FOXO1: variants seen among roughly 807,000 people sequenced by gnomAD.
The protein encoded by FOXO1 is forkhead box protein O1.
A neutral mutation model predicts 44.1 loss-of-function variants in FOXO1; 6 were observed. The ratio of observed to expected loss-of-function variants is 0.14; its 90% CI spans 0.07 to 0.27. The LOEUF is 0.27. Among genes scored for constraint, FOXO1 ranks in the 10% least tolerant of loss-of-function variants. The probability of loss-of-function intolerance (pLI) is 1.00; values close to 1 mark genes in which losing one functional copy is unlikely to be tolerated. For missense variants in FOXO1, 737 were observed against 888.8 expected (o/e 0.83, Z 2.17); for synonymous variants, 380 against 362.7 (o/e 1.05, Z -0.54).
intron 1 of FOXO1, among the ~76,000 whole-genome samples, chr13:40,623,530 T>C (rs1876686426): frequency 6.6e-6 from 1 of 152,172 alleles, no homozygotes; most frequent in Non-Finnish European, 1.5e-5. Flanking sequence ...TTTTTTCTTT[T>C]TAATGGGGAA....
intron 1 of FOXO1, among the ~76,000 whole-genome samples, chr13:40,656,417 T>A (rs1213898345): frequency 6.6e-6 from 1 of 152,238 alleles, no homozygotes; most frequent in Admixed American, 6.5e-5. Flanking sequence ...TTAATAGTAA[T>A]CTTTCTTTCT....
At chr13:40,607,487 A>G (rs1007156982) in intron 1 of FOXO1, among the ~76,000 whole-genome samples, 3 of 133,370 alleles carry the variant, frequency 2.2e-5, no homozygotes, top group South Asian at 2.7e-4. Flanking sequence ...ATTTGTTCCT[A>G]GAGTGCTTTA....
chr13:40,641,017 C>G (rs1356886907), intron 1 of FOXO1, among the ~76,000 whole-genome samples: 1 of 152,178 alleles, frequency 6.6e-6, no homozygotes, highest in Non-Finnish European at 1.5e-5. Flanking sequence ...CTCTTGACCT[C>G]AAGTGATCCA....
chr13:40,588,543 AT>A (rs1875256104), intron 1 of FOXO1, among the ~76,000 whole-genome samples: 1 of 152,190 alleles, frequency 6.6e-6, no homozygotes, highest in Admixed American at 6.5e-5. Flanking sequence ...TGAGTTTAAG[AT>A]TTTGGGGGGG....
Position 40,559,839 on chromosome 13 carries a change from C to T in FOXO1, c.1652G>A (p.Gly551Asp). ...HTVSTMPHTS[G>D]MNRLTQVKTP... ...CTTCACTTGGGTCAGGCGGTTCATA[C>T]CCGAGGTGTGGGGCATGGTGCTTAC... is the stretch of plus-strand genomic sequence containing the variant. Residue 551 changes from glycine (G) to aspartate (D), a missense_variant, in exon 2 of 3, where the codon GGT (glycine) becomes GAT (aspartate). Around this residue, in one of 7 missense-constraint regions of FOXO1, gnomAD observed 283 missense variants for 278.1 expected, o/e 1.02. Coordinates refer to ENST00000379561, the MANE Select transcript of FOXO1 (RefSeq NM_002015.4). The T allele has an allele frequency of 6.2e-7, 1 of 1,613,996 alleles. No homozygotes were observed. The highest frequency in any genetic ancestry group is 8.5e-7 in the Non-Finnish European group (1 of 1,179,954).
At chr13:40,615,763 G>A (rs890997026) in intron 1 of FOXO1, among the ~76,000 whole-genome samples, 3 of 152,056 alleles carry the variant, frequency 2.0e-5, no homozygotes, top group East Asian at 1.9e-4. Flanking sequence ...CCAAAGCCCC[G>A]AGGCAGAAGG....
At chr13:40,646,876 G>A (rs980209049) in intron 1 of FOXO1, among the ~76,000 whole-genome samples, 1 of 152,170 alleles carries the variant, frequency 6.6e-6, no homozygotes, top group African/African-American at 2.4e-5. Flanking sequence ...TTACAGGCGT[G>A]AGCCACCGCG....
At chr13:40,664,971 G>A (rs992085051) in intron 1 of FOXO1, among the ~76,000 whole-genome samples, 1 of 151,930 alleles carries the variant, frequency 6.6e-6, no homozygotes, top group Non-Finnish European at 1.5e-5. Context: ...CCGGGCCCCC[G>A]GCACTCGAGG....
chr13:40,665,464 C>G, intron 1 of FOXO1, 119 bp downstream of exon 1: 1 of 898,316 alleles, frequency 1.1e-6, no homozygotes, highest in Non-Finnish European at 1.5e-6. Flanking sequence ...TCTCGCCCGC[C>G]CTCCTGGGAA....
chr13:40,628,360 C>CACACACACAA (rs2137910092), intron 1 of FOXO1, among the ~76,000 whole-genome samples: 1 of 145,230 alleles, frequency 6.9e-6, no homozygotes, highest in African/African-American at 2.6e-5. Flanking sequence ...GCTGTTTACA[C>CACACACACAA]ACACACACAC....
chr13:40,659,732 C>T (rs1877978342), intron 1 of FOXO1, among the ~76,000 whole-genome samples: 1 of 151,910 alleles, frequency 6.6e-6, no homozygotes, highest in Admixed American at 6.5e-5. Context: ...ATAAGTCAAC[C>T]CTAGATTCAA....
chr13:40,623,410 C>T (rs952593753), intron 1 of FOXO1, among the ~76,000 whole-genome samples: 1 of 151,990 alleles, frequency 6.6e-6, no homozygotes, highest in Non-Finnish European at 1.5e-5. Context: ...GGTAAACTTG[C>T]CAACAACAAG....
intron 1 of FOXO1, among the ~76,000 whole-genome samples, chr13:40,660,151 AT>A (rs1877990435): frequency 6.6e-6 from 1 of 152,206 alleles, no homozygotes; most frequent in South Asian, 2.1e-4. Flanking sequence ...GTGCTTGGTT[AT>A]ATGACCCCAG....
intron 1 of FOXO1, among the ~76,000 whole-genome samples, chr13:40,654,248 T>G (rs1411047451): frequency 7.4e-6 from 1 of 135,868 alleles, no homozygotes; most frequent in Non-Finnish European, 1.5e-5. Flanking sequence ...GAGGCTGAGG[T>G]GGGCAGGTCA....
chr13:40,652,069 A>G (rs2137934564), intron 1 of FOXO1, among the ~76,000 whole-genome samples: 1 of 152,252 alleles, frequency 6.6e-6, no homozygotes, highest in Non-Finnish European at 1.5e-5. Context: ...GCTTGGTGCC[A>G]AGTACACAAA....
chr13:40,602,409 C>G (rs1265122847), intron 1 of FOXO1, among the ~76,000 whole-genome samples: 3 of 152,114 alleles, frequency 2.0e-5, no homozygotes, highest in Non-Finnish European at 4.4e-5. Flanking sequence ...TTTCCCCAGT[C>G]TCACTTTTGA....
chr13:40,638,105 A>T (rs1877220880), intron 1 of FOXO1, among the ~76,000 whole-genome samples: 2 of 152,240 alleles, frequency 1.3e-5, no homozygotes, highest in East Asian at 3.8e-4. Flanking sequence ...TTCTGTCAGT[A>T]GACTTCAGTG....
At chr13:40,580,898 G>A (rs1441635382) in intron 1 of FOXO1, among the ~76,000 whole-genome samples, 1 of 152,180 alleles carries the variant, frequency 6.6e-6, no homozygotes, top group African/African-American at 2.4e-5. Flanking sequence ...GAAGAACAAG[G>A]TGAGGCTCCA....
At position 40,559,885 on chromosome 13, in the gene FOXO1, C is replaced by T. The variant is rs771019295; in HGVS notation, c.1606G>A (p.Gly536Arg). The T allele has an allele frequency of 7.4e-6, 12 of 1,614,094 alleles. No homozygotes were observed. Among genetic ancestry groups the T allele is most frequent in the African/African-American group, 2.7e-5 (2 of 75,026 alleles). The part of the protein sequence containing the change: ...GHAQQTSAVN[G>R]RPLPHTVSTM... ...CTTACCGTGTGGGGCAGGGGACGCC[C>T]GTTAACTGCAGATGTCTGCTGAGCA... Residue 536 changes from glycine to arginine, a missense_variant, in exon 2 of 3, where the codon GGG (glycine) becomes AGG (arginine). Transcript: ENST00000379561.
Sources: gnomAD v4.1 joint callset for allele counts (sites outside exome capture counted in the v4.1 genomes callset) on GRCh38, gnomAD v4.1.1 for gene constraint, gnomAD v4.1.1 regional missense constraint, MANE v1.5 for transcripts, NCBI Gene and HGNC (gene_info 2026-07-23, HGNC 2026-07-21) for gene names.